Variants in STK32B observed in about 807,000 individuals in gnomAD.
STK32B encodes the protein serine/threonine kinase 32B, also known as serine/threonine-protein kinase 32B.
STK32B carries 43 observed loss-of-function variants against 52.6 expected under a neutral mutation model. The ratio of observed to expected loss-of-function variants is 0.82; its 90% CI spans 0.64 to 1.05. The LOEUF (loss-of-function observed/expected upper bound fraction) is 1.05. Among genes scored for constraint, STK32B ranks in the 50% least tolerant of loss-of-function variants. The probability of loss-of-function intolerance (pLI) is 0.00; values close to 1 mark genes in which losing one functional copy is unlikely to be tolerated. For missense variants in STK32B, 621 were observed against 534.6 expected (o/e 1.16, Z -1.59); for synonymous variants, 238 against 204.3 (o/e 1.17, Z -1.41).
intron 6 of STK32B, chr4:5,432,310 C>T (rs1713657597): frequency 6.6e-6 from 1 of 152,190 alleles, no homozygotes; most frequent in African/African-American, 2.4e-5. Context: ...CCCTTTGAAT[C>T]TGGAGCTGAC....
intron 2 of STK32B, among the ~76,000 whole-genome samples, chr4:5,155,110 C>G (rs189075128): frequency 7.2e-5 from 11 of 152,196 alleles, no homozygotes; most frequent in African/African-American, 2.7e-4. Context: ...TTCACACTTG[C>G]TCTTCTCTCC....
At chr4:5,238,753 C>T (rs556376608) in intron 3 of STK32B, among the ~76,000 whole-genome samples, 4 of 152,188 alleles carry the variant, frequency 2.6e-5, no homozygotes, top group African/African-American at 9.7e-5. Context: ...TCATTCATTC[C>T]TTCACTCACT....
chr4:5,278,247 A>G (rs984854990), intron 3 of STK32B, among the ~76,000 whole-genome samples: 1 of 152,206 alleles, frequency 6.6e-6, no homozygotes, highest in Admixed American at 6.5e-5. Context: ...CTGAGCTTGA[A>G]AGGAAAACTC....
intron 1 of STK32B, among the ~76,000 whole-genome samples, chr4:5,081,677 T>C (rs1406811446): frequency 6.6e-6 from 1 of 152,174 alleles, no homozygotes. Context: ...TGTTGTCTGT[T>C]GTGTTTTTCA....
At chr4:5,496,481 C>T (rs1250689441) in intron 11 of STK32B, among the ~76,000 whole-genome samples, 2 of 151,870 alleles carry the variant, frequency 1.3e-5, no homozygotes, top group Non-Finnish European at 2.9e-5. Flanking sequence ...CATCTGTCAC[C>T]CCTTTCTTTG....
At chr4:5,195,374 C>T (rs555164225) in intron 3 of STK32B, among the ~76,000 whole-genome samples, 32 of 152,256 alleles carry the variant, frequency 2.1e-4, no homozygotes, top group African/African-American at 7.5e-4. Context: ...CCTGCTGCTC[C>T]TGGGCACTTT....
At chr4:5,023,345 A>G in the STK32B span, among the ~76,000 whole-genome samples, 2 of 152,106 alleles carry the variant, frequency 1.3e-5, no homozygotes, top group Admixed American at 6.5e-5. Flanking sequence ...GAACCTAGAA[A>G]TTATCCAGAT....
At chr4:5,082,106 C>A (rs1712468380) in intron 1 of STK32B, among the ~76,000 whole-genome samples, 1 of 152,116 alleles carries the variant, frequency 6.6e-6, no homozygotes, top group African/African-American at 2.4e-5. Context: ...TACAGGTCTG[C>A]CTGCTCTACA....
intron 3 of STK32B, among the ~76,000 whole-genome samples, chr4:5,187,819 T>G (rs1720865525): frequency 6.6e-6 from 1 of 152,214 alleles, no homozygotes; most frequent in Non-Finnish European, 1.5e-5. Context: ...GCCTATGCTC[T>G]TTCTAAAGCC....
intron 3 of STK32B, among the ~76,000 whole-genome samples, chr4:5,249,769 G>C (rs1344965720): frequency 1.3e-5 from 2 of 151,980 alleles, no homozygotes; most frequent in Non-Finnish European, 2.9e-5. Flanking sequence ...TATTGTTTTT[G>C]TTTTTCTTTT....
intron 1 of STK32B, among the ~76,000 whole-genome samples, chr4:5,085,243 T>C (rs1712667298): frequency 6.6e-6 from 1 of 152,340 alleles, no homozygotes; most frequent in Non-Finnish European, 1.5e-5. Context: ...AAATATGTTG[T>C]GTGGTGGTAT....
In STK32B at chr4:5,380,337, C is replaced by T. The variant is rs553213453; in HGVS notation, c.435-17870C>T. 2.9e-4 allele frequency among the ~76,000 whole-genome samples: 44 copies of T among 152,268 alleles called. No individual in the cohort carries two copies. Among genetic ancestry groups the T allele is most frequent in the South Asian group, 1.7e-3 (8 of 4,818 alleles). On this transcript the variant is annotated intron_variant, in intron 4 of 11. Transcript: ENST00000282908. The surrounding 1 kb of genome is among the most constrained non-coding windows in gnomAD (Gnocchi z 4.3). ...CAGCCCTCCTCCCGAATCTCTCCAA[C>T]GCTACCCAAGAGAATGCAAAAGGCC...
chr4:5,389,271 G>GT (rs567693809), intron 4 of STK32B, among the ~76,000 whole-genome samples: 273 of 152,244 alleles, frequency 1.8e-3, no homozygotes, highest in Middle Eastern at 3.4e-3. Flanking sequence ...TAAAATAAGG[G>GT]TAACAATACT....
At chr4:5,320,563 C>G (rs1390623906) in intron 3 of STK32B, among the ~76,000 whole-genome samples, 2 of 152,138 alleles carry the variant, frequency 1.3e-5, no homozygotes, top group Admixed American at 6.5e-5. Context: ...CAGGTCAAGT[C>G]TCAAGTTACA....
chr4:5,499,058 C>G lies in STK32B; in HGVS notation c.1220C>G (p.Thr407Ser), dbSNP rs889191611. 1 of 1,612,824 alleles carries G rather than the reference C, an allele frequency of 6.2e-7. No individual in the cohort carries two copies. Among genetic ancestry groups the G allele is most frequent in the African/African-American group, 1.3e-5 (1 of 74,996 alleles). ...TGCAACAACAACCTCCTCACCCACA[C>G]CTGCACCCGTGGCTGCAGCAGCTGA... is the stretch of plus-strand genomic sequence containing the variant. ...DGCNNNLLTH[T>S]CTRGCSS The change falls in exon 12 of 12, where the codon ACC (threonine) becomes AGC (serine). Residue 407 changes from threonine to serine, a missense_variant. Transcript: ENST00000282908.
chr4:5,019,426 A>C, the STK32B span: 1 of 1,481,200 alleles, frequency 6.8e-7, no homozygotes, highest in African/African-American at 1.5e-5. Context: ...CAGCACGGGC[A>C]GAGGCCCAGG....
At chr4:5,288,903 C>T (rs750539666) in intron 3 of STK32B, among the ~76,000 whole-genome samples, 10 of 152,108 alleles carry the variant, frequency 6.6e-5, no homozygotes, top group African/African-American at 2.4e-4. Flanking sequence ...TATGATTTAT[C>T]TTGAGTTTAA....
rs574868742 is a variant in STK32B, at chr4:5,342,946, A to G, written c.434+11553A>G. ...CTGCTTCCTAGAACTTCTCTGACCA[A>G]ATATTCTTTTTTCTTTTTTATACTT... is the stretch of plus-strand genomic sequence containing the variant. On this transcript the variant is annotated intron_variant, in intron 4 of 11. Coordinates refer to ENST00000282908, the MANE Select transcript of STK32B (RefSeq NM_018401.3). Among the ~76,000 whole-genome samples, 2 of 152,210 alleles carry G rather than the reference A, an allele frequency of 1.3e-5. 1 individual carries two copies. Among genetic ancestry groups the G allele is most frequent in the African/African-American group, 4.8e-5 (2 of 41,526 alleles).
chr4:5,251,011 C>CT (rs1725890935), intron 3 of STK32B, among the ~76,000 whole-genome samples: 1 of 152,152 alleles, frequency 6.6e-6, no homozygotes, highest in Non-Finnish European at 1.5e-5. Flanking sequence ...TGTAGGTTGT[C>CT]TTTTTACTCT....
Sources: gnomAD v4.1 joint callset for allele counts (sites outside exome capture counted in the v4.1 genomes callset) on GRCh38, gnomAD v4.1.1 for gene constraint, Gnocchi (gnomAD v3.1) non-coding constraint, MANE v1.5 for transcripts, NCBI Gene and HGNC (gene_info 2026-07-23, HGNC 2026-07-21) for gene names.